Variants in LRP4 observed in about 807,000 individuals in gnomAD.
The protein encoded by LRP4 is low-density lipoprotein receptor-related protein 4.
LRP4 carries 95 observed loss-of-function variants against 220.3 expected under a neutral mutation model. That is an observed-to-expected ratio of 0.43 (90% CI 0.37 to 0.51). The LOEUF (loss-of-function observed/expected upper bound fraction) is 0.51, where lower values mean the gene tolerates loss of function less well. Among genes scored for constraint, LRP4 ranks in the 20% least tolerant of loss-of-function variants. LRP4 has a pLI of 0.00. For missense variants in LRP4, 1,925 were observed against 2,567.0 expected (o/e 0.75, Z 5.40); for synonymous variants, 903 against 954.6 (o/e 0.95, Z 1.00).
At chr11:46,860,917 A>G in intron 37 of LRP4, 1 of 983,446 alleles carries the variant, frequency 1.0e-6, no homozygotes, top group Non-Finnish European at 1.2e-6. Context: ...ACAAACACAC[A>G]GCAACAGGTA....
At position 46,869,072 on chromosome 11, in the gene LRP4, A is replaced by G; in HGVS notation, c.4753T>C (p.Tyr1585His). 6.2e-7 allele frequency: 1 copy of G among 1,614,130 alleles called. No individual in the cohort carries two copies. The highest frequency in any genetic ancestry group is 8.5e-7 in the Non-Finnish European group (1 of 1,180,032). ...ACTGTCTCCTTGTTCCGGCCTGAGTATTTGTCAACACGCTGGATTGACTTG... is the reference window on the plus strand; with the variant it reads ...ACTGTCTCCTTGTTCCGGCCTGAGTGTTTGTCAACACGCTGGATTGACTTG... ...QTKSIQRVDKYSGRNKETVLA... is the reference protein window; with the variant it reads ...QTKSIQRVDKHSGRNKETVLA... The change falls in exon 32 of 38, where the codon TAC becomes CAC. Residue 1585 changes from tyrosine (Y) to histidine (H), a missense_variant. This residue lies in a region of LRP4 where 1,244 missense variants were observed against 1,624.9 expected (regional missense o/e 0.77). Transcript: ENST00000378623.
At position 46,894,678 on chromosome 11, in the gene LRP4, C is replaced by T; in HGVS notation, c.1451G>A (p.Trp484Ter). The T allele has an allele frequency of 6.2e-7, 1 of 1,614,212 alleles. No individual in the cohort carries two copies. The highest frequency in any genetic ancestry group is 8.5e-7 in the Non-Finnish European group (1 of 1,180,052). The part of the protein sequence containing the change: ...DFHHRRELVF[W>*]SDVTLDRILR... ...GATCCGGTCCAGGGTGACATCTGAC[C>T]AGAAGACAAGCTCGCGGCGGTGGTG... is the stretch of plus-strand genomic sequence containing the variant. The change falls in exon 12 of 38, where the codon TGG (tryptophan) becomes TAG (stop). Residue 484 changes from tryptophan (W) to a stop codon, truncating the protein, a stop_gained. Coordinates refer to ENST00000378623, the MANE Select transcript of LRP4 (RefSeq NM_002334.4). LOFTEE classifies it high-confidence loss of function.
intron 34 of LRP4, among the ~76,000 whole-genome samples, chr11:46,865,819 C>T (rs910782108): frequency 1.3e-5 from 2 of 152,078 alleles, no homozygotes; most frequent in Non-Finnish European, 2.9e-5. Context: ...AAGGTCCGAG[C>T]GGGGTCAAAA....
chr11:46,887,735 G>A (rs1232624173), intron 16 of LRP4, among the ~76,000 whole-genome samples: 1 of 151,988 alleles, frequency 6.6e-6, no homozygotes, highest in African/African-American at 2.4e-5. Flanking sequence ...GGAGCCCAAA[G>A]CAGAAGAATC....
chr11:46,914,922 G>T (rs1941924312), intron 1 of LRP4, among the ~76,000 whole-genome samples: 1 of 152,066 alleles, frequency 6.6e-6, no homozygotes, highest in Non-Finnish European at 1.5e-5. Context: ...CAGTTAATCG[G>T]TAGAAAGAGT....
In LRP4 at chr11:46,873,077, G is replaced by A. The variant is rs1940912698; in HGVS notation, c.4583+23C>T. On this transcript the variant is annotated intron_variant, in intron 30 of 37. Transcript: ENST00000378623. The surrounding 1 kb of genome is among the most constrained non-coding windows in gnomAD (Gnocchi z 4.2). ...CTTCTGCCCACCCGATTTCCAGGAG[G>A]CTGTTTGATGCAAGACTCCCACCTG... 1 of 1,614,004 alleles carries A rather than the reference G, an allele frequency of 6.2e-7. No homozygotes were observed. The highest frequency in any genetic ancestry group is 8.5e-7 in the Non-Finnish European group (1 of 1,180,018).
At chr11:46,878,204 G>A (rs146477081) in intron 22 of LRP4, among the ~76,000 whole-genome samples, 45 of 151,984 alleles carry the variant, frequency 3.0e-4, no homozygotes, top group African/African-American at 9.4e-4. Context: ...CTAAGGAGGA[G>A]GGTACTGTGA....
intron 1 of LRP4, among the ~76,000 whole-genome samples, chr11:46,904,511 G>A (rs1422748078): frequency 1.3e-5 from 1 of 74,774 alleles, no homozygotes; most frequent in Non-Finnish European, 2.5e-5. Flanking sequence ...ACGGACAGAC[G>A]GATGGATGGA....
Position 46,857,715 on chromosome 11 carries a change from T to C in LRP4, c.*1268A>G, listed in dbSNP as rs1485940847. 6.6e-6 allele frequency: 1 copy of C among 152,564 alleles called. No individual in the cohort carries two copies. Among genetic ancestry groups the C allele is most frequent in the African/African-American group, 2.4e-5 (1 of 41,448 alleles). The allele number at this position is 152,564 out of a possible 1,614,324, so 9.5% of individuals were successfully genotyped here. On this transcript the variant is annotated 3_prime_UTR_variant, in exon 38 of 38. Coordinates refer to ENST00000378623, the MANE Select transcript of LRP4 (RefSeq NM_002334.4). ...CAAAAATAAGTCTCAATTTCCCTGATACCAGGCTGAGACACGTGCCCTTTG... is the reference window on the plus strand; with the variant it reads ...CAAAAATAAGTCTCAATTTCCCTGACACCAGGCTGAGACACGTGCCCTTTG...
At chr11:46,900,182 C>T in intron 3 of LRP4, 80 bp downstream of exon 3, 1 of 1,121,212 alleles carries the variant, frequency 8.9e-7, no homozygotes, top group Non-Finnish European at 1.4e-6. Context: ...CTCATGTGGA[C>T]CTGGGGCATT....
chr11:46,862,015 C>T (rs1940568110), intron 37 of LRP4, among the ~76,000 whole-genome samples: 1 of 136,236 alleles, frequency 7.3e-6, no homozygotes, highest in Admixed American at 8.5e-5. Flanking sequence ...TTGCAGTGAG[C>T]TGAGATCGTG....
In LRP4 at chr11:46,895,165, C is replaced by T; in HGVS notation, c.1309+1G>A. ...CCCAGCCAAGTGCCAACAGCCCTTA[C>T]CCAGAGCCTTGCAGCTGCGCCGGTC... On this transcript the variant is annotated splice_donor_variant, in intron 11 of 37. Coordinates refer to ENST00000378623, the MANE Select transcript of LRP4 (RefSeq NM_002334.4). LOFTEE classifies it high-confidence loss of function. The T allele has an allele frequency of 6.2e-7, 1 of 1,613,926 alleles. No homozygotes were observed. Among genetic ancestry groups the T allele is most frequent in the Non-Finnish European group, 8.5e-7 (1 of 1,180,048 alleles).
Position 46,895,302 on chromosome 11 carries a change from C to G in LRP4, c.1184-11G>C. The G allele has an allele frequency of 6.2e-7, 1 of 1,611,918 alleles. No individual in the cohort carries two copies. On this transcript the variant is annotated splice_polypyrimidine_tract_variant and intron_variant, in intron 10 of 37. Transcript: ENST00000378623. ...CACATTCATTCACATCTGGGAACAC[C>G]AGGCAGGTCAAGAGATCTCCCTTCT...
chr11:46,864,315 C>A (rs1377300924), intron 36 of LRP4, 133 bp downstream of exon 36: 2 of 755,928 alleles, frequency 2.6e-6, no homozygotes, highest in African/African-American at 3.4e-5. Flanking sequence ...CCTTCTGCTG[C>A]CCTGACCAGG....
At chr11:46,893,866 C>T (rs1941471139) in intron 12 of LRP4, among the ~76,000 whole-genome samples, 2 of 151,674 alleles carry the variant, frequency 1.3e-5, no homozygotes, top group South Asian at 2.1e-4. Flanking sequence ...TCCCAAAGTG[C>T]TGGGATTACA....
Position 46,874,900 on chromosome 11 carries a change from C to A in LRP4, c.4129G>T (p.Val1377Leu). ...TTGAGCTCAGGAACAGGGACATGCA[C>A]ATCGGTGTGGTCACTGGTGTCCAGT... ...ISLDTSDHTD[V>L]HVPVPELNNV... The change falls in exon 28 of 38, where the codon GTG becomes TTG. Residue 1377 changes from valine (V) to leucine (L), a missense_variant. Physicochemically the swap from Val to Leu is conservative, Grantham distance 32. Around this residue, in one of 3 missense-constraint regions of LRP4, gnomAD observed 1,244 missense variants for 1,624.9 expected, o/e 0.77. Coordinates refer to ENST00000378623, the MANE Select transcript of LRP4 (RefSeq NM_002334.4). 6.2e-7 allele frequency: 1 copy of A among 1,614,204 alleles called. No homozygotes were observed.
intron 33 of LRP4, among the ~76,000 whole-genome samples, 187 bp downstream of exon 33, chr11:46,868,413 G>A (rs1940760422): frequency 6.6e-6 from 1 of 152,200 alleles, no homozygotes; most frequent in Non-Finnish European, 1.5e-5. Context: ...AAATGCCAGA[G>A]GGCAGACAAA....
chr11:46,863,389 G>A (rs1940608283), intron 36 of LRP4, among the ~76,000 whole-genome samples: 1 of 152,042 alleles, frequency 6.6e-6, no homozygotes, highest in Non-Finnish European at 1.5e-5. Flanking sequence ...GAGTCAGACA[G>A]ATCTGTTTCA....
At chr11:46,896,822 A>ACC in intron 8 of LRP4, 47 bp downstream of exon 8, 2 of 1,613,254 alleles carry the variant, frequency 1.2e-6, no homozygotes, top group Non-Finnish European at 1.7e-6. Context: ...CCACCCTTCC[A>ACC]CCCCAACTAT....
Sources: allele counts gnomAD v4.1 joint callset (sites outside exome capture counted in the v4.1 genomes callset), GRCh38; gene constraint gnomAD v4.1.1; regional missense constraint gnomAD v4.1.1; non-coding constraint Gnocchi (gnomAD v3.1); transcripts MANE v1.5; gene names NCBI Gene and HGNC (gene_info 2026-07-23, HGNC 2026-07-21).